Variants in RORB observed in about 807,000 individuals in gnomAD.
The protein encoded by RORB is RAR related orphan receptor B.
In RORB, 6 loss-of-function variants were observed where a neutral mutation model predicts 59.1. That is an observed-to-expected ratio of 0.10 (90% CI 0.06 to 0.20). RORB has a LOEUF of 0.20. Ranked by LOEUF, RORB falls within the 10% of genes least tolerant of loss-of-function variation. The probability of loss-of-function intolerance (pLI) is 1.00; values close to 1 mark genes in which losing one functional copy is unlikely to be tolerated. For missense variants in RORB, 320 were observed against 560.5 expected (o/e 0.57, Z 4.33); for synonymous variants, 215 against 204.5 (o/e 1.05, Z -0.44).
intron 1 of RORB, among the ~76,000 whole-genome samples, chr9:74,521,718 A>T (rs1035506429): frequency 6.6e-6 from 1 of 151,740 alleles, no homozygotes; most frequent in African/African-American, 2.4e-5. Flanking sequence ...CTGATCTCGG[A>T]TTGTCACAGG....
intron 1 of RORB, among the ~76,000 whole-genome samples, chr9:74,544,005 G>A (rs1227663405): frequency 6.6e-6 from 1 of 152,162 alleles, no homozygotes; most frequent in Non-Finnish European, 1.5e-5. Flanking sequence ...TTGACCTAGG[G>A]TTTAAATTGG....
chr9:74,542,910 T>C (rs1029158965), intron 1 of RORB, among the ~76,000 whole-genome samples: 3 of 152,180 alleles, frequency 2.0e-5, no homozygotes, highest in African/African-American at 7.2e-5. Flanking sequence ...GCAACGTACT[T>C]AAGCCTTCTG....
At chr9:74,539,390 G>C (rs143428324) in intron 1 of RORB, among the ~76,000 whole-genome samples, 44 of 152,194 alleles carry the variant, frequency 2.9e-4, no homozygotes, top group African/African-American at 9.9e-4. Context: ...AAAAATGAGC[G>C]CACAGCTTTC....
intron 4 of RORB, among the ~76,000 whole-genome samples, chr9:74,659,994 T>A (rs1587411181): frequency 2.0e-5 from 3 of 151,884 alleles, no homozygotes; most frequent in Non-Finnish European, 4.4e-5. Flanking sequence ...TATCAACTCA[T>A]AGCCAATATT....
At chr9:74,575,223 T>C (rs1211011619) in intron 1 of RORB, among the ~76,000 whole-genome samples, 1 of 152,134 alleles carries the variant, frequency 6.6e-6, no homozygotes, top group Non-Finnish European at 1.5e-5. Context: ...ATTACTCTTC[T>C]CATTTTACAA....
chr9:74,573,392 A>C (rs890995266), intron 1 of RORB, among the ~76,000 whole-genome samples: 2 of 151,388 alleles, frequency 1.3e-5, no homozygotes, highest in African/African-American at 2.4e-5. Flanking sequence ...TTTTTTCCAC[A>C]GAAGGCCAGG....
chr9:74,517,068 A>T (rs1408542774), intron 1 of RORB, among the ~76,000 whole-genome samples: 1 of 151,946 alleles, frequency 6.6e-6, no homozygotes, highest in African/African-American at 2.4e-5. Context: ...GATTCTTCCA[A>T]GAATCTAAAA....
At chr9:74,635,743 T>A (rs879101423) in intron 3 of RORB, among the ~76,000 whole-genome samples, 1 of 152,100 alleles carries the variant, frequency 6.6e-6, no homozygotes, top group Admixed American at 6.5e-5. Context: ...CAGTGTGGAT[T>A]CTGGGCCTCT....
chr9:74,659,560 G>A (rs542286474), intron 4 of RORB, among the ~76,000 whole-genome samples: 60 of 152,132 alleles, frequency 3.9e-4, no homozygotes, highest in Non-Finnish European at 7.9e-4. Flanking sequence ...AGACTGGAGT[G>A]CATTGGTGTG....
chr9:74,667,388 C>G, intron 7 of RORB, among the ~76,000 whole-genome samples: 1 of 152,174 alleles, frequency 6.6e-6, no homozygotes, highest in East Asian at 1.9e-4. Flanking sequence ...CAATCCTCAG[C>G]CCCTGTATGT....
At chr9:74,543,611 T>C (rs1826446761) in intron 1 of RORB, among the ~76,000 whole-genome samples, 1 of 152,088 alleles carries the variant, frequency 6.6e-6, no homozygotes, top group African/African-American at 2.4e-5. Context: ...GTTTAATTTT[T>C]TTTTTAATCT....
At chr9:74,674,723 G>T (rs1824407732) in intron 9 of RORB, among the ~76,000 whole-genome samples, 1 of 152,166 alleles carries the variant, frequency 6.6e-6, no homozygotes, top group African/African-American at 2.4e-5. Flanking sequence ...GTTAACCTGT[G>T]TTGTGGTTTG....
chr9:74,548,474 T>C (rs2118153487), intron 1 of RORB, among the ~76,000 whole-genome samples: 1 of 152,344 alleles, frequency 6.6e-6, no homozygotes, highest in South Asian at 2.1e-4. Flanking sequence ...AAATATTTTC[T>C]TTATCCCATG....
intron 1 of RORB, among the ~76,000 whole-genome samples, chr9:74,529,889 T>G (rs1324988475): frequency 6.6e-6 from 1 of 151,932 alleles, no homozygotes; most frequent in African/African-American, 2.4e-5. Flanking sequence ...AAACACCACA[T>G]GTTCCCTAAA....
chr9:74,547,503 T>C (rs1028175855), intron 1 of RORB, among the ~76,000 whole-genome samples: 2 of 152,204 alleles, frequency 1.3e-5, no homozygotes, highest in African/African-American at 4.8e-5. Flanking sequence ...ATTCTAATAG[T>C]AAACCCAAGA....
intron 1 of RORB, among the ~76,000 whole-genome samples, chr9:74,579,771 C>T (rs1200736134): frequency 2.6e-5 from 4 of 152,154 alleles, no homozygotes; most frequent in African/African-American, 4.8e-5. Flanking sequence ...CCTTGGCTCT[C>T]ATCTGTCAGT....
At chr9:74,527,296 T>C (rs1433500451) in intron 1 of RORB, among the ~76,000 whole-genome samples, 1 of 151,990 alleles carries the variant, frequency 6.6e-6, no homozygotes, top group Non-Finnish European at 1.5e-5. Context: ...CAGTTATGAA[T>C]CATTCATTCT....
intron 1 of RORB, among the ~76,000 whole-genome samples, chr9:74,570,238 G>C (rs1420743622): frequency 6.6e-6 from 1 of 151,956 alleles, no homozygotes; most frequent in African/African-American, 2.4e-5. Context: ...ATCATTACGT[G>C]TATCAATTTA....
intron 1 of RORB, among the ~76,000 whole-genome samples, chr9:74,518,980 T>C (rs1472815576): frequency 2.0e-5 from 3 of 151,958 alleles, no homozygotes; most frequent in Non-Finnish European, 2.9e-5. Context: ...TATAGTAAGG[T>C]AAGGGTCGTG....
Sources: allele counts gnomAD v4.1 joint callset (sites outside exome capture counted in the v4.1 genomes callset), GRCh38; gene constraint gnomAD v4.1.1; transcripts MANE v1.5; gene names NCBI Gene and HGNC (gene_info 2026-07-23, HGNC 2026-07-21).